Variants in CTNNA3 observed in about 807,000 individuals in gnomAD.
CTNNA3 encodes catenin alpha-3.
In CTNNA3, 76 loss-of-function variants were observed where a neutral mutation model predicts 95.7. The ratio of observed to expected loss-of-function variants is 0.79; its 90% CI spans 0.66 to 0.96. The LOEUF (loss-of-function observed/expected upper bound fraction) is 0.96, where lower values mean the gene tolerates loss of function less well. CTNNA3 is among the 40% of genes least tolerant of loss of function. The probability of loss-of-function intolerance (pLI) is 0.00; values close to 1 mark genes in which losing one functional copy is unlikely to be tolerated. For missense variants in CTNNA3, 1,191 were observed against 1,089.8 expected (o/e 1.09, Z -1.31); for synonymous variants, 431 against 374.4 (o/e 1.15, Z -1.74).
At chr10:66,943,204 A>G (rs1848104934) in intron 7 of CTNNA3, among the ~76,000 whole-genome samples, 1 of 152,224 alleles carries the variant, frequency 6.6e-6, no homozygotes, top group African/African-American at 2.4e-5. Context: ...AGACGAGAAA[A>G]GCTAGAAGAG....
intron 7 of CTNNA3, among the ~76,000 whole-genome samples, chr10:67,108,042 C>CT (rs1393962459): frequency 1.3e-5 from 2 of 152,192 alleles, no homozygotes; most frequent in Non-Finnish European, 2.9e-5. Flanking sequence ...AGAGGCCTAT[C>CT]TTTAGCTGAA....
intron 12 of CTNNA3, among the ~76,000 whole-genome samples, chr10:66,358,525 T>G (rs949404526): frequency 1.3e-5 from 2 of 152,194 alleles, no homozygotes; most frequent in Non-Finnish European, 2.9e-5. Flanking sequence ...ACTTACTCCA[T>G]TTTTAACTTG....
At chr10:67,199,341 C>A (rs946479838) in intron 6 of CTNNA3, among the ~76,000 whole-genome samples, 53 of 120,776 alleles carry the variant, frequency 4.4e-4, no homozygotes, top group Non-Finnish European at 6.5e-4. Context: ...TAAATGGCTA[C>A]AAGTTTTTTT....
At chr10:67,467,279 C>A (rs115442010) in intron 5 of CTNNA3, among the ~76,000 whole-genome samples, 3 of 152,174 alleles carry the variant, frequency 2.0e-5, no homozygotes, top group African/African-American at 7.2e-5. Context: ...TTTTTGACTA[C>A]ACATTATTGT....
intron 5 of CTNNA3, among the ~76,000 whole-genome samples, chr10:67,485,604 C>T (rs1183248938): frequency 6.6e-6 from 1 of 151,950 alleles, no homozygotes; most frequent in Admixed American, 6.6e-5. Context: ...GGTGATAACA[C>T]AGTGGAAGTT....
chr10:66,889,773 T>C (rs1475264714), intron 7 of CTNNA3, among the ~76,000 whole-genome samples: 1 of 149,376 alleles, frequency 6.7e-6, no homozygotes, highest in Non-Finnish European at 1.5e-5. Flanking sequence ...ATGGGGAAGA[T>C]CAGGGGAACC....
At chr10:66,050,973 C>T (rs1308079593) in intron 15 of CTNNA3, among the ~76,000 whole-genome samples, 2 of 152,110 alleles carry the variant, frequency 1.3e-5, no homozygotes, top group East Asian at 3.9e-4. Context: ...CTCGCCTAAG[C>T]CTCCTGAGTA....
intron 10 of CTNNA3, among the ~76,000 whole-genome samples, chr10:66,613,482 T>A (rs866074607): frequency 6.6e-6 from 1 of 152,004 alleles, no homozygotes; most frequent in Non-Finnish European, 1.5e-5. Context: ...TGGAACAAGA[T>A]ACAGGGCAGT....
intron 10 of CTNNA3, among the ~76,000 whole-genome samples, chr10:66,540,627 CTCCCT>C (rs1554814641): frequency 4.6e-5 from 7 of 151,812 alleles, no homozygotes; most frequent in African/African-American, 2.4e-5. Context: ...CTCCCCTCCC[CTCCCT>C]TCCCTTCCCT....
intron 7 of CTNNA3, among the ~76,000 whole-genome samples, chr10:66,956,803 C>T (rs780699584): frequency 1.3e-5 from 2 of 152,212 alleles, no homozygotes; most frequent in Non-Finnish European, 2.9e-5. Flanking sequence ...AAAACTGATG[C>T]AGTGACAGGC....
intron 5 of CTNNA3, among the ~76,000 whole-genome samples, chr10:67,447,178 G>A (rs72806675): frequency 0.046 from 7,025 of 152,304 alleles, 217 homozygotes; most frequent in Non-Finnish European, 0.066. Context: ...AACATTGATG[G>A]TCACTCCAAT....
At chr10:66,419,696 C>A (rs2093176112) in intron 11 of CTNNA3, among the ~76,000 whole-genome samples, 2 of 151,920 alleles carry the variant, frequency 1.3e-5, no homozygotes, top group African/African-American at 4.8e-5. Context: ...TAGACACATA[C>A]CCAAATGGAA....
chr10:66,253,348 T>C (rs1013895893), intron 13 of CTNNA3, among the ~76,000 whole-genome samples: 1 of 152,102 alleles, frequency 6.6e-6, no homozygotes, highest in African/African-American at 2.4e-5. Flanking sequence ...GCAGGCCTCT[T>C]CTTTGTTTTC....
At chr10:67,074,363 T>A (rs1856630222) in intron 7 of CTNNA3, among the ~76,000 whole-genome samples, 1 of 139,334 alleles carries the variant, frequency 7.2e-6, no homozygotes, top group African/African-American at 2.7e-5. Flanking sequence ...TTTTTTTTTT[T>A]TTTTTGAGAC....
At chr10:67,760,337 C>T (rs1257421331) in intron 1 of CTNNA3, among the ~76,000 whole-genome samples, 2 of 152,180 alleles carry the variant, frequency 1.3e-5, no homozygotes, top group African/African-American at 4.8e-5. Context: ...ATTTATATGC[C>T]ATTGTGCCAG....
chr10:66,601,975 G>A (rs1843943337), intron 10 of CTNNA3, among the ~76,000 whole-genome samples: 1 of 151,878 alleles, frequency 6.6e-6, no homozygotes, highest in Non-Finnish European at 1.5e-5. Flanking sequence ...ATCTAAATTA[G>A]GATGTAGGGG....
At chr10:67,341,072 T>C (rs530216669) in intron 5 of CTNNA3, among the ~76,000 whole-genome samples, 2 of 152,290 alleles carry the variant, frequency 1.3e-5, no homozygotes, top group African/African-American at 2.4e-5. Flanking sequence ...TGTGGGTACA[T>C]AGTAGGTATA....
chr10:66,502,750 C>A (rs1840320085), intron 11 of CTNNA3, among the ~76,000 whole-genome samples: 1 of 152,008 alleles, frequency 6.6e-6, no homozygotes, highest in Non-Finnish European at 1.5e-5. Context: ...AATGATCATA[C>A]TTGTACCGGG....
In CTNNA3 at chr10:66,794,825, T is replaced by C. The variant is rs551127770; in HGVS notation, c.1048-19301A>G. On this transcript the variant is annotated intron_variant, in intron 7 of 17. Coordinates refer to ENST00000433211, the MANE Select transcript of CTNNA3 (RefSeq NM_013266.4). The stretch of plus-strand genomic sequence containing the variant: ...AGTGTTGTAAGACATTCTAAATCCT[T>C]TTTTGTCATTTCCACAGTGTTCAAA... 4.6e-4 allele frequency among the ~76,000 whole-genome samples: 70 copies of C among 152,248 alleles called. No individual in the cohort carries two copies. The South Asian group carries it at 7.9e-3, about 17-fold the overall frequency.
Sources: gnomAD v4.1 joint callset for allele counts (sites outside exome capture counted in the v4.1 genomes callset) on GRCh38, gnomAD v4.1.1 for gene constraint, MANE v1.5 for transcripts, NCBI Gene and HGNC (gene_info 2026-07-23, HGNC 2026-07-21) for gene names.